Variants in ABCC10 observed in about 807,000 individuals in gnomAD.
ABCC10 encodes ATP binding cassette subfamily C member 10.
ABCC10 carries 110 observed loss-of-function variants against 143.2 expected under a neutral mutation model. The observed-to-expected ratio is 0.77, with a 90% CI of 0.66 to 0.90. ABCC10 has a LOEUF of 0.90. Ranked by LOEUF, ABCC10 falls within the 40% of genes least tolerant of loss-of-function variation. ABCC10 has a pLI of 0.00. For missense variants in ABCC10, 1,700 were observed against 1,900.5 expected (o/e 0.89, Z 1.96); for synonymous variants, 805 against 846.7 (o/e 0.95, Z 0.85).
chr6:43,445,836 C>A lies in ABCC10; in HGVS notation c.3268C>A (p.Arg1090=), dbSNP rs187313814. The A allele has an allele frequency of 3.1e-6, 5 of 1,613,992 alleles. No homozygotes were observed. The highest frequency in any genetic ancestry group is 3.4e-6 in the Non-Finnish European group (4 of 1,180,042). Reference sequence around the variant, plus strand: ...GCAGCGCCACTACAGGGCCTCCTCACGGGAGCTGCGGCGCCTGGGCAGCCT... The same window carrying A: ...GCAGCGCCACTACAGGGCCTCCTCAAGGGAGCTGCGGCGCCTGGGCAGCCT... ...HVQRHYRASS[R]ELRRLGSLTL... is the part of the protein sequence containing the mutation. Residue 1090 remains arginine (R), a synonymous_variant, in exon 15 of 22, where the codon CGG becomes AGG. Transcript: ENST00000372530.
intron 2 of ABCC10, among the ~76,000 whole-genome samples, chr6:43,429,372 T>TTG (rs1201780354): frequency 0.055 from 5,343 of 97,952 alleles, 319 homozygotes; most frequent in African/African-American, 0.14. Flanking sequence ...CTTTTCTTTC[T>TTG]TGTGTGTGTG....
chr6:43,437,433 CAAAAA>C (rs57827467), intron 6 of ABCC10, among the ~76,000 whole-genome samples: 3 of 102,412 alleles, frequency 2.9e-5, no homozygotes, highest in African/African-American at 1.9e-4. Context: ...AACATATGAC[CAAAAA>C]AAAAAAAAAA....
In ABCC10 at chr6:43,432,467, C is replaced by G. The variant is rs144459262; in HGVS notation, c.487C>G (p.Pro163Ala). 1.1e-3 allele frequency: 1,730 copies of G among 1,611,888 alleles called. 1 individual carries two copies. The highest frequency in any genetic ancestry group is 1.3e-3 in the Admixed American group (81 of 60,028). Residue 163 changes from proline to alanine, a missense_variant, in exon 3 of 22, where the codon CCA becomes GCA. By Grantham distance (27) the Pro-to-Ala change is conservative. Transcript: ENST00000372530. ...TTGCCAGCGAGGCACACTTCTGCCC[C>G]CACTTCTCCCAGGGCCCATGGCCCG... ...WHCQRGTLLP[P>A]LLPGPMARLC...
At position 43,443,171 on chromosome 6, in the gene ABCC10, A is replaced by T. The variant is rs1782670056; in HGVS notation, c.2416+12A>T. 6.3e-7 allele frequency: 1 copy of T among 1,579,308 alleles called. No individual in the cohort carries two copies. Among genetic ancestry groups the T allele is most frequent in the African/African-American group, 1.3e-5 (1 of 74,174 alleles). On this transcript the variant is annotated intron_variant, in intron 10 of 21. Coordinates refer to ENST00000372530, the MANE Select transcript of ABCC10 (RefSeq NM_001198934.2). This position sits in a 1 kb window ranked among gnomAD's most constrained non-coding sequence, Gnocchi z 4.2. Reference sequence around the variant, plus strand: ...CCTCATCCGGGCTGGTAATGGGGGCAGGAGCCCCGTGTGAGGGAGGTGTCT... The same window carrying T: ...CCTCATCCGGGCTGGTAATGGGGGCTGGAGCCCCGTGTGAGGGAGGTGTCT...
chr6:43,446,012 A>G, intron 15 of ABCC10, 70 bp downstream of exon 15: 1 of 1,491,850 alleles, frequency 6.7e-7, no homozygotes. Context: ...CAAGAAGAGG[A>G]ATATGCAGGG....
At chr6:43,446,125 A>C in intron 15 of ABCC10, 152 bp from the exon 16 acceptor site, 1 of 1,116,430 alleles carries the variant, frequency 9.0e-7, no homozygotes, top group Non-Finnish European at 1.3e-6. Flanking sequence ...GAAAGAGCAC[A>C]CTGGCATCTG....
intron 16 of ABCC10, chr6:43,446,916 C>T (rs1394397784): frequency 3.9e-6 from 4 of 1,023,592 alleles, no homozygotes; most frequent in South Asian, 6.0e-5. Flanking sequence ...GGCACGATCT[C>T]GGCTCACTGC....
Position 43,433,270 on chromosome 6 carries a change from A to G in ABCC10, c.1290A>G (p.Ala430=). The stretch of plus-strand genomic sequence containing the variant: ...CCTTCGTGGGTGGTCTCATCTTGGC[A>G]CTGCTGCTGGTACCCGTCAACAAAG... ...GVAFVGGLIL[A]LLLVPVNKVI... Residue 430 remains alanine (A), a synonymous_variant, in exon 3 of 22, where the codon GCA becomes GCG. Coordinates refer to ENST00000372530, the MANE Select transcript of ABCC10 (RefSeq NM_001198934.2). The G allele has an allele frequency of 4.3e-6, 7 of 1,614,090 alleles. No homozygotes were observed. Among genetic ancestry groups the G allele is most frequent in the Non-Finnish European group, 5.9e-6 (7 of 1,179,980 alleles).
At chr6:43,437,541 C>T (rs191397257) in intron 6 of ABCC10, among the ~76,000 whole-genome samples, 39 of 151,780 alleles carry the variant, frequency 2.6e-4, no homozygotes, top group Non-Finnish European at 5.0e-4. Context: ...ACTCTAGCCA[C>T]AGGTCGACTT....
downstream of ABCC10, chr6:43,450,927 T>G (rs1581809691): frequency 6.2e-7 from 1 of 1,613,816 alleles, no homozygotes; most frequent in South Asian, 1.1e-5. The surrounding 1 kb of genome is among the most constrained non-coding windows in gnomAD (Gnocchi z 4.5). Flanking sequence ...GGTTGGGGGG[T>G]CTGGGACAGG....
At chr6:43,434,535 C>G (rs781168966) in intron 3 of ABCC10, 86 bp from the exon 4 acceptor site, 1 of 1,294,394 alleles carries the variant, frequency 7.7e-7, no homozygotes, top group South Asian at 1.3e-5. Flanking sequence ...ACTGAACATT[C>G]TGCCAGCAGC....
At chr6:43,435,457 C>T (rs1781585099) in intron 4 of ABCC10, among the ~76,000 whole-genome samples, 1 of 152,068 alleles carries the variant, frequency 6.6e-6, no homozygotes, top group Admixed American at 6.6e-5. Context: ...CACTTGAACC[C>T]TGGAGGTGGA....
At chr6:43,438,553 G>C in intron 7 of ABCC10, 71 bp from the exon 8 acceptor site, 1 of 1,562,450 alleles carries the variant, frequency 6.4e-7, no homozygotes, top group East Asian at 2.2e-5. Flanking sequence ...AGGCTTCTAG[G>C]AGTCAAGGGC....
chr6:43,444,785 C>T lies in ABCC10; in HGVS notation c.2690-3C>T, dbSNP rs1473388849. 6.3e-7 allele frequency: 1 copy of T among 1,586,438 alleles called. No individual in the cohort carries two copies. Among genetic ancestry groups the T allele is most frequent in the Non-Finnish European group, 8.6e-7 (1 of 1,167,498 alleles). ...CAGCTTTTTCCTTCCTGTCCCCACCCAGCCACGCGGAACGCTGCTGACTGG... is the reference window on the plus strand; with the variant it reads ...CAGCTTTTTCCTTCCTGTCCCCACCTAGCCACGCGGAACGCTGCTGACTGG... On this transcript the variant is annotated splice_polypyrimidine_tract_variant and splice_region_variant and intron_variant, in intron 12 of 21. Transcript: ENST00000372530.
Position 43,444,822 on chromosome 6 carries a change from C to T in ABCC10, c.2724C>T (p.His908=). Residue 908 remains histidine (H), a synonymous_variant, in exon 13 of 22, where the codon CAC becomes CAT. Transcript: ENST00000372530. The part of the protein sequence containing the change: ...TRNAADWWLS[H]WISQLKAENS... ...ACGCTGCTGACTGGTGGCTCTCCCA[C>T]TGGATCTCTCAGCTGAAGGCTGAGA... The T allele has an allele frequency of 1.2e-6, 2 of 1,611,298 alleles. No homozygotes were observed. The highest frequency in any genetic ancestry group is 1.7e-6 in the Non-Finnish European group (2 of 1,178,766).
At chr6:43,433,595 G>A (rs1260330571) in intron 3 of ABCC10, among the ~76,000 whole-genome samples, 1 of 152,236 alleles carries the variant, frequency 6.6e-6, no homozygotes, top group Non-Finnish European at 1.5e-5. Context: ...AGTGAGAATA[G>A]TAGTAGCTTA....
rs1206897258 is a variant in ABCC10, at chr6:43,450,385, A to G, written c.*294A>G. 9.5e-7 allele frequency: 1 copy of G among 1,054,924 alleles called. No homozygotes were observed. The highest frequency in any genetic ancestry group is 1.3e-6 in the Non-Finnish European group (1 of 760,974). 65.3% of individuals were successfully genotyped at this position (1,054,924 alleles called of 1,614,324 possible). ...TCATAGTTTTATTTGATAAAATTCC[A>G]TCTTACATTCTGTGTATTAAAAAAA... On this transcript the variant is annotated 3_prime_UTR_variant, in exon 22 of 22. Transcript: ENST00000372530. The surrounding 1 kb of genome is among the most constrained non-coding windows in gnomAD (Gnocchi z 4.5).
chr6:43,436,057 G>A, intron 5 of ABCC10, 81 bp from the exon 6 acceptor site: 4 of 1,607,442 alleles, frequency 2.5e-6, no homozygotes, highest in African/African-American at 1.3e-5. Flanking sequence ...ATATGGGGCT[G>A]GCAAGTGAAT....
At chr6:43,445,007 T>G in intron 13 of ABCC10, 69 bp downstream of exon 13, 1 of 1,580,608 alleles carries the variant, frequency 6.3e-7, no homozygotes, top group South Asian at 1.2e-5. Context: ...GTGAGGGTTG[T>G]GGCCGGTATT....
Sources: allele counts gnomAD v4.1 joint callset (sites outside exome capture counted in the v4.1 genomes callset), GRCh38; gene constraint gnomAD v4.1.1; non-coding constraint Gnocchi (gnomAD v3.1); transcripts MANE v1.5; gene names NCBI Gene and HGNC (gene_info 2026-07-23, HGNC 2026-07-21).